SPTB: variants seen among roughly 807,000 people sequenced by gnomAD.
The protein encoded by SPTB is spectrin beta chain, erythrocytic.
Under a neutral mutation model 256.2 loss-of-function variants are expected in SPTB, and 45 were observed. The observed-to-expected ratio is 0.18, with a 90% CI of 0.14 to 0.23. The LOEUF (loss-of-function observed/expected upper bound fraction) is 0.23, where lower values mean the gene tolerates loss of function less well. Among genes scored for constraint, SPTB ranks in the 10% least tolerant of loss-of-function variants. The pLI is 1.00. For synonymous variants in SPTB, 1,231 were observed against 1,243.1 expected, an observed-to-expected ratio of 0.99 and a Z score of 0.21; for missense variants, 2,715 against 3,040.4, an observed-to-expected ratio of 0.89 and a Z score of 2.52.
chr14:64,839,920 C>T (rs894762408), intron 1 of SPTB, among the ~76,000 whole-genome samples: 6 of 152,158 alleles, frequency 3.9e-5, no homozygotes, highest in Non-Finnish European at 7.3e-5. Flanking sequence ...AAGAAGCCTT[C>T]ATGGAAGAGA....
At chr14:64,787,276 G>T in intron 15 of SPTB, 116 bp from the exon 16 acceptor site, 2 of 1,350,198 alleles carry the variant, frequency 1.5e-6, no homozygotes, top group Non-Finnish European at 2.0e-6. Flanking sequence ...CACAGACTTT[G>T]TATGATAAAA....
intron 18 of SPTB, 93 bp from the exon 19 acceptor site, chr14:64,784,486 C>A: frequency 6.6e-7 from 1 of 1,522,740 alleles, no homozygotes; most frequent in Non-Finnish European, 9.0e-7. Flanking sequence ...AAGGAGAAGG[C>A]CATGGGGAGG....
At chr14:64,850,586 C>T (rs1311484662) in intron 1 of SPTB, among the ~76,000 whole-genome samples, 3 of 152,160 alleles carry the variant, frequency 2.0e-5, no homozygotes, top group African/African-American at 7.2e-5. Context: ...GGCACGAGTC[C>T]CCTGCCTCTT....
rs750849788 is a variant in SPTB at position 64,804,991 on chromosome 14, C to T, written c.248G>A (p.Arg83Gln). The change falls in exon 3 of 36, where the codon CGG becomes CAG. Residue 83 changes from arginine (R) to glutamine (Q), a missense_variant. By Grantham distance (43) the Arg-to-Gln change is conservative (BLOSUM62 1). Around this residue, in one of 4 missense-constraint regions of SPTB, gnomAD observed 416 missense variants for 571.1 expected, o/e 0.73. Coordinates refer to ENST00000644917, the MANE Select transcript of SPTB (RefSeq NM_001355436.2). The stretch of plus-strand genomic sequence containing the variant: ...CAGCTTGATGAGCATGCGCCCATCC[C>T]GCAGGTCCTTGTAGAGATCGGTGAT... ...CRITDLYKDL[R>Q]DGRMLIKLLE... The T allele has an allele frequency of 3.1e-5, 50 of 1,614,170 alleles. No individual in the cohort carries two copies. The Middle Eastern group carries it at 3.6e-3, about 117-fold the overall frequency.
chr14:64,833,827 G>A (rs2083483112), intron 1 of SPTB, among the ~76,000 whole-genome samples: 2 of 152,186 alleles, frequency 1.3e-5, no homozygotes, highest in Non-Finnish European at 2.9e-5. Context: ...AAATGGATGA[G>A]AACTGAGAAA....
chr14:64,782,591 G>T, intron 19 of SPTB, 38 bp from the exon 20 acceptor site: 3 of 1,611,296 alleles, frequency 1.9e-6, no homozygotes, highest in South Asian at 2.2e-5. Context: ...ATTCTGGGCT[G>T]ACTGGGCCTT....
chr14:64,798,065 A>G (rs2082810238), intron 9 of SPTB, among the ~76,000 whole-genome samples: 1 of 152,228 alleles, frequency 6.6e-6, no homozygotes, highest in Admixed American at 6.5e-5. Flanking sequence ...GGGTCTTTAC[A>G]ATATAAACCA....
chr14:64,865,433 G>C (rs1240773304), intron 1 of SPTB, among the ~76,000 whole-genome samples: 1 of 152,048 alleles, frequency 6.6e-6, no homozygotes, highest in Admixed American at 6.5e-5. Context: ...AGCATATTTA[G>C]AAGTATTGAA....
chr14:64,801,605 G>A lies in SPTB; in HGVS notation c.647+149C>T, dbSNP rs530902838. ...GGCGGCAGGCATGCTGGGATTTAAG[G>A]AAAGTGAAGGTGCTATGGGCTGCTG... On this transcript the variant is annotated intron_variant, in intron 6 of 35. Coordinates refer to ENST00000644917, the MANE Select transcript of SPTB (RefSeq NM_001355436.2). 5.2e-4 allele frequency: 497 copies of A among 947,416 alleles called. 2 individuals are homozygous for A. The African/African-American group carries it at 7.2e-3, about 14-fold the overall frequency. 58.7% of individuals were successfully genotyped at this position (947,416 alleles called of 1,614,324 possible).
chr14:64,839,661 C>A (rs1413181916), intron 1 of SPTB, among the ~76,000 whole-genome samples: 1 of 152,130 alleles, frequency 6.6e-6, no homozygotes, highest in Non-Finnish European at 1.5e-5. Context: ...AAGCACCTGG[C>A]AGTCCCATTG....
chr14:64,859,848 T>C (rs2083936676), intron 1 of SPTB, among the ~76,000 whole-genome samples: 1 of 152,188 alleles, frequency 6.6e-6, no homozygotes, highest in Admixed American at 6.5e-5. Flanking sequence ...TCATTTTCTA[T>C]GGTCTGTATT....
intron 8 of SPTB, among the ~76,000 whole-genome samples, 193 bp from the exon 9 acceptor site, chr14:64,800,127 G>A (rs1056193274): frequency 2.0e-5 from 3 of 152,234 alleles, no homozygotes; most frequent in Non-Finnish European, 2.9e-5. Flanking sequence ...ATTGGGTGAG[G>A]CCCTCCTCTT....
intron 10 of SPTB, among the ~76,000 whole-genome samples, chr14:64,797,461 T>C (rs1197358975): frequency 4.7e-4 from 40 of 84,694 alleles, no homozygotes; most frequent in African/African-American, 2.1e-3. Context: ...AGTGAGACCC[T>C]GTCTCCAAAA....
rs552116167 is a variant in SPTB, at chr14:64,775,496, C to T, written c.4564-93G>A. The T allele has an allele frequency of 7.5e-6, 11 of 1,471,196 alleles. No individual in the cohort carries two copies. In the South Asian group the frequency reaches 1.1e-4, roughly 14 times the overall value. The allele number at this position is 1,471,196 out of a possible 1,614,324, so 91.1% of individuals were successfully genotyped here. A position where few individuals can be genotyped will look rare whatever the true frequency, so the allele number is the denominator to read the frequency against. ...GCAGCACAGCTCTGACACCCTTGGT[C>T]CCTCTCACCCCCGTTGCTAGAGCAG... On this transcript the variant is annotated intron_variant, in intron 22 of 35. Coordinates refer to ENST00000644917, the MANE Select transcript of SPTB (RefSeq NM_001355436.2). The surrounding 1 kb of genome is among the most constrained non-coding windows in gnomAD (Gnocchi z 5.0).
chr14:64,822,202 G>T (rs1383139360), intron 2 of SPTB, among the ~76,000 whole-genome samples: 1 of 149,850 alleles, frequency 6.7e-6, no homozygotes, highest in Admixed American at 6.7e-5. Context: ...AAGACTTAAG[G>T]TCGGAATATA....
intron 9 of SPTB, 107 bp from the exon 10 acceptor site, chr14:64,797,953 C>G (rs560598462): frequency 4.9e-6 from 4 of 809,628 alleles, no homozygotes; most frequent in Non-Finnish European, 8.9e-6. Flanking sequence ...GATAGCAAAG[C>G]ATATTTCCCT....
Position 64,747,866 on chromosome 14 carries a change from C to T in SPTB, c.*1440G>A, listed in dbSNP as rs565767903. On this transcript the variant is annotated 3_prime_UTR_variant, in exon 36 of 36. Transcript: ENST00000644917. ...ACCTAACCCTAGTTTGATACTGGGC[C>T]AGAACTGTGTTGCTTTCGGAGTAGA... 1.0e-4 allele frequency: 15 copies of T among 144,602 alleles called. No homozygotes were observed. The highest frequency in any genetic ancestry group is 3.5e-4 in the African/African-American group (14 of 39,706). The allele number at this position is 144,602 out of a possible 1,614,324, so 9.0% of individuals were successfully genotyped here.
intron 1 of SPTB, among the ~76,000 whole-genome samples, chr14:64,864,378 G>A (rs1882031421): frequency 6.6e-6 from 1 of 152,176 alleles, no homozygotes; most frequent in East Asian, 1.9e-4. Context: ...GAGCCCAGGA[G>A]TTCAGGGATG....
chr14:64,779,166 C>A lies in SPTB; in HGVS notation c.4554G>T (p.Lys1518Asn). The change falls in exon 22 of 36, where the codon AAG becomes AAT. Residue 1518 changes from lysine (K) to asparagine (N), a missense_variant. Around this residue, in one of 4 missense-constraint regions of SPTB, gnomAD observed 2,239 missense variants for 2,384.4 expected, o/e 0.94. Coordinates refer to ENST00000644917, the MANE Select transcript of SPTB (RefSeq NM_001355436.2). The surrounding 1 kb of genome is among the most constrained non-coding windows in gnomAD (Gnocchi z 4.2). ...GTGACGCAGGACTCACCTGGTTCTT[C>A]TTCATGAACAGTTGCACAGTTTGCA... ...TNLQTVQLFM[K>N]KNQTLQNEIL... 1 of 1,613,948 alleles carries A rather than the reference C, an allele frequency of 6.2e-7. No homozygotes were observed. Among genetic ancestry groups the A allele is most frequent in the Non-Finnish European group, 8.5e-7 (1 of 1,179,928 alleles).
Sources: allele counts gnomAD v4.1 joint callset (sites outside exome capture counted in the v4.1 genomes callset), GRCh38; gene constraint gnomAD v4.1.1; regional missense constraint gnomAD v4.1.1; non-coding constraint Gnocchi (gnomAD v3.1); transcripts MANE v1.5; gene names NCBI Gene and HGNC (gene_info 2026-07-23, HGNC 2026-07-21).